Variants in TRHDE observed in about 807,000 individuals in gnomAD.
TRHDE encodes the protein thyrotropin releasing hormone degrading enzyme.
TRHDE carries 72 observed loss-of-function variants against 125.7 expected under a neutral mutation model. The observed-to-expected ratio is 0.57, with a 90% CI of 0.47 to 0.70. TRHDE has a LOEUF of 0.70. Ranked by LOEUF, TRHDE falls within the 30% of genes least tolerant of loss-of-function variation. The pLI, the probability that TRHDE is intolerant of heterozygous loss-of-function variation, is 0.00. For missense variants in TRHDE, 1,110 were observed against 1,327.1 expected, an observed-to-expected ratio of 0.84 and a Z score of 2.54; for synonymous variants, 509 against 509.1, an observed-to-expected ratio of 1.00 and a Z score of 0.00.
At chr12:72,567,952 G>A (rs900198017) in intron 9 of TRHDE, among the ~76,000 whole-genome samples, 4 of 152,044 alleles carry the variant, frequency 2.6e-5, no homozygotes, top group Non-Finnish European at 5.9e-5. Context: ...GTTGGTGGAT[G>A]CTTTGACACA....
chr12:72,599,611 A>G (rs1168605720), intron 12 of TRHDE, among the ~76,000 whole-genome samples: 1 of 152,140 alleles, frequency 6.6e-6, no homozygotes, highest in African/African-American at 2.4e-5. Flanking sequence ...GATTCTGGAT[A>G]TTAGATCTTT....
chr12:72,293,511 G>GACA (rs2139437214), intron 2 of TRHDE, among the ~76,000 whole-genome samples: 1 of 152,222 alleles, frequency 6.6e-6, no homozygotes, highest in African/African-American at 2.4e-5. Flanking sequence ...TCTTACTGGG[G>GACA]ACAGGCTTCC....
intron 18 of TRHDE, among the ~76,000 whole-genome samples, chr12:72,662,274 T>C (rs748975513): frequency 2.8e-4 from 43 of 152,178 alleles, no homozygotes; most frequent in Non-Finnish European, 5.3e-4. Context: ...TCTTAAGATA[T>C]ATCAAACAGA....
chr12:72,230,052 G>A (rs1878216577), intron 2 of TRHDE, among the ~76,000 whole-genome samples: 1 of 152,136 alleles, frequency 6.6e-6, no homozygotes, highest in Non-Finnish European at 1.5e-5. Context: ...GCCACCACCT[G>A]ACGGTTTTGT....
intron 2 of TRHDE, among the ~76,000 whole-genome samples, chr12:72,185,481 A>C (rs1347822743): frequency 6.6e-6 from 1 of 152,244 alleles, no homozygotes; most frequent in Non-Finnish European, 1.5e-5. Context: ...CCTGTGCGGG[A>C]TCCACTAGGT....
intron 2 of TRHDE, among the ~76,000 whole-genome samples, chr12:72,294,373 G>A (rs150311983): frequency 1.2e-3 from 179 of 152,134 alleles, no homozygotes; most frequent in Admixed American, 5.8e-3. Flanking sequence ...TGTGTGTGGT[G>A]GGGGGCGGTG....
At chr12:72,344,925 AT>A (rs892756364) in intron 2 of TRHDE, among the ~76,000 whole-genome samples, 10 of 152,090 alleles carry the variant, frequency 6.6e-5, no homozygotes, top group African/African-American at 2.4e-4. Flanking sequence ...AAAGAGGTTC[AT>A]GTTGGCCTTG....
chr12:72,290,653 C>T (rs2139433285), intron 2 of TRHDE, among the ~76,000 whole-genome samples: 1 of 152,260 alleles, frequency 6.6e-6, no homozygotes, highest in Admixed American at 6.5e-5. Context: ...CATTTGAAGC[C>T]ATCTTTGTCT....
At chr12:72,465,960 C>T (rs1162369077) in intron 3 of TRHDE, among the ~76,000 whole-genome samples, 1 of 152,150 alleles carries the variant, frequency 6.6e-6, no homozygotes. Flanking sequence ...TACTACTGAT[C>T]TGTTTTACTC....
At chr12:72,458,905 A>AATGATG (rs745436198) in intron 3 of TRHDE, among the ~76,000 whole-genome samples, 1 of 152,176 alleles carries the variant, frequency 6.6e-6, no homozygotes, top group Non-Finnish European at 1.5e-5. Context: ...TTATAAAGGT[A>AATGATG]ATGATGATGA....
At chr12:72,602,890 C>A (rs1872264471) in intron 12 of TRHDE, among the ~76,000 whole-genome samples, 1 of 152,190 alleles carries the variant, frequency 6.6e-6, no homozygotes, top group Admixed American at 6.5e-5. Context: ...GCAACTACTT[C>A]TACTGGATAG....
chr12:72,191,975 A>G (rs1877349996), intron 2 of TRHDE, among the ~76,000 whole-genome samples: 1 of 152,304 alleles, frequency 6.6e-6, no homozygotes, highest in Non-Finnish European at 1.5e-5. Context: ...TTTCTGGGCT[A>G]GCTTTGTAGA....
intron 1 of TRHDE, among the ~76,000 whole-genome samples, chr12:72,105,021 G>C (rs1875152289): frequency 1.3e-5 from 2 of 152,160 alleles, no homozygotes; most frequent in African/African-American, 4.8e-5. Flanking sequence ...AGAGGAGAGG[G>C]CTTTTCTTCT....
intron 1 of TRHDE, among the ~76,000 whole-genome samples, chr12:72,094,068 G>C (rs1025112900): frequency 7.2e-5 from 11 of 152,160 alleles, no homozygotes; most frequent in Non-Finnish European, 1.3e-4. Flanking sequence ...GCCGCTGTTG[G>C]GTTTGCAGTG....
chr12:72,634,456 A>G (rs2136089909), intron 15 of TRHDE, among the ~76,000 whole-genome samples: 1 of 151,446 alleles, frequency 6.6e-6, no homozygotes, highest in African/African-American at 2.4e-5. Flanking sequence ...CATGAGTTTT[A>G]ATTGGATGCT....
At chr12:72,207,055 T>C (rs1157319705) in intron 2 of TRHDE, among the ~76,000 whole-genome samples, 1 of 152,226 alleles carries the variant, frequency 6.6e-6, no homozygotes, top group Non-Finnish European at 1.5e-5. Flanking sequence ...TACAGCTTGC[T>C]AAAGTGAATC....
At chr12:72,473,271 AC>A (rs1356844526) in intron 5 of TRHDE, 91 bp downstream of exon 5, 4 of 883,038 alleles carry the variant, frequency 4.5e-6, no homozygotes, top group Non-Finnish European at 7.1e-6. Context: ...GACTAAAAAT[AC>A]CAACTGATGC....
intron 15 of TRHDE, among the ~76,000 whole-genome samples, chr12:72,624,772 G>A (rs1873190974): frequency 6.6e-6 from 1 of 151,902 alleles, no homozygotes; most frequent in Non-Finnish European, 1.5e-5. Flanking sequence ...CTACATTCAG[G>A]TCTTGTTAGG....
intron 15 of TRHDE, among the ~76,000 whole-genome samples, chr12:72,624,053 C>T (rs189199466): frequency 6.6e-6 from 1 of 151,864 alleles, no homozygotes; most frequent in Admixed American, 6.6e-5. Flanking sequence ...TTTGCTTAAC[C>T]CACTACATGA....
Sources: allele counts gnomAD v4.1 joint callset (sites outside exome capture counted in the v4.1 genomes callset), GRCh38; gene constraint gnomAD v4.1.1; transcripts MANE v1.5; gene names NCBI Gene and HGNC (gene_info 2026-07-23, HGNC 2026-07-21).